Variants in ANKS1B observed in about 807,000 individuals in gnomAD.
ANKS1B encodes the protein ankyrin repeat and sterile alpha motif domain-containing protein 1B.
A neutral mutation model predicts 148.3 loss-of-function variants in ANKS1B; 36 were observed. That is an observed-to-expected ratio of 0.24 (90% confidence interval 0.19 to 0.32). ANKS1B has a LOEUF of 0.32. Among genes scored for constraint, ANKS1B ranks in the 10% least tolerant of loss-of-function variants. The pLI is 1.00. For synonymous variants in ANKS1B, 542 were observed against 560.8 expected, an observed-to-expected ratio of 0.97 and a Z score of 0.47; for missense variants, 1,157 against 1,542.6, an observed-to-expected ratio of 0.75 and a Z score of 4.19.
At chr12:99,897,759 G>T (rs2093433749) in intron 1 of ANKS1B, among the ~76,000 whole-genome samples, 1 of 150,258 alleles carries the variant, frequency 6.7e-6, no homozygotes, top group Admixed American at 6.7e-5. Context: ...TCAAGATGAA[G>T]GTCTGAGCTA....
At chr12:99,098,619 CTTTTTTTTTTTTTT>C (rs71081896) in intron 15 of ANKS1B, among the ~76,000 whole-genome samples, 382 of 32,040 alleles carry the variant, frequency 0.012, 4 homozygotes, top group African/African-American at 0.037. Flanking sequence ...CTAGGAACTA[CTTTTTTTTTTTTTT>C]TTTTTTTTTT....
intron 11 of ANKS1B, among the ~76,000 whole-genome samples, chr12:99,421,927 C>T (rs577233016): frequency 1.5e-3 from 233 of 152,124 alleles, no homozygotes; most frequent in African/African-American, 5.0e-3. Flanking sequence ...CCCACCAACC[C>T]CACTCTCTCT....
chr12:99,511,233 G>A (rs1429540207), intron 9 of ANKS1B, among the ~76,000 whole-genome samples: 1 of 151,836 alleles, frequency 6.6e-6, no homozygotes, highest in Non-Finnish European at 1.5e-5. Context: ...TACCATGAAG[G>A]GATGTTGAAT....
intron 17 of ANKS1B, among the ~76,000 whole-genome samples, chr12:98,853,507 G>A (rs1052124962): frequency 1.3e-5 from 2 of 152,102 alleles, no homozygotes; most frequent in African/African-American, 2.4e-5. Flanking sequence ...CAGCAGGAAG[G>A]GGCTCACTGT....
At chr12:99,562,123 T>G (rs1184609601) in intron 9 of ANKS1B, among the ~76,000 whole-genome samples, 1 of 152,226 alleles carries the variant, frequency 6.6e-6, no homozygotes, top group Non-Finnish European at 1.5e-5. Flanking sequence ...TGAGTAGTAA[T>G]ACCTTGAAAT....
At chr12:98,989,360 G>A (rs1384817020) in intron 17 of ANKS1B, among the ~76,000 whole-genome samples, 1 of 152,166 alleles carries the variant, frequency 6.6e-6, no homozygotes, top group African/African-American at 2.4e-5. Flanking sequence ...ATTTATTGAA[G>A]AGACTGTCCT....
intron 9 of ANKS1B, among the ~76,000 whole-genome samples, chr12:99,568,855 A>G (rs2097423658): frequency 6.6e-6 from 1 of 152,230 alleles, no homozygotes. Flanking sequence ...TCTCCCAGGG[A>G]GAAATTCTGG....
At chr12:99,869,786 A>C (rs2091258330) in intron 1 of ANKS1B, among the ~76,000 whole-genome samples, 1 of 152,148 alleles carries the variant, frequency 6.6e-6, no homozygotes, top group African/African-American at 2.4e-5. Flanking sequence ...GAAAACTGCT[A>C]TATGCCTCAC....
At chr12:99,158,779 A>G (rs1439097379) in intron 14 of ANKS1B, among the ~76,000 whole-genome samples, 1 of 152,132 alleles carries the variant, frequency 6.6e-6, no homozygotes, top group Non-Finnish European at 1.5e-5. Context: ...CCTGCAACTC[A>G]TCTCCATAGA....
At chr12:98,820,774 G>C (rs994148395) in intron 19 of ANKS1B, among the ~76,000 whole-genome samples, 1 of 152,052 alleles carries the variant, frequency 6.6e-6, no homozygotes, top group African/African-American at 2.4e-5. Context: ...AACATGAATA[G>C]GAGCTTCTTG....
At chr12:98,775,770 T>C (rs1321817551) in intron 24 of ANKS1B, among the ~76,000 whole-genome samples, 2 of 152,062 alleles carry the variant, frequency 1.3e-5, no homozygotes. Flanking sequence ...CTGTTCTCTA[T>C]TCCCCAGGAG....
intron 1 of ANKS1B, among the ~76,000 whole-genome samples, chr12:99,970,882 C>A (rs1219875317): frequency 3.9e-5 from 6 of 152,152 alleles, no homozygotes; most frequent in African/African-American, 1.4e-4. Flanking sequence ...ATTTCCATTG[C>A]TCCATATATC....
intron 8 of ANKS1B, among the ~76,000 whole-genome samples, chr12:99,700,930 A>C (rs1600062386): frequency 6.6e-6 from 1 of 152,182 alleles, no homozygotes; most frequent in Non-Finnish European, 1.5e-5. Context: ...CCACCTGCTG[A>C]ACTGGTGCTT....
intron 10 of ANKS1B, among the ~76,000 whole-genome samples, chr12:99,480,163 T>C (rs1004568854): frequency 4.0e-5 from 6 of 151,848 alleles, no homozygotes; most frequent in African/African-American, 1.4e-4. Context: ...TATTGATTCA[T>C]ATTAATGTGT....
At chr12:98,798,187 A>G (rs2098967639) in intron 22 of ANKS1B, among the ~76,000 whole-genome samples, 1 of 150,286 alleles carries the variant, frequency 6.7e-6, no homozygotes, top group Non-Finnish European at 1.5e-5. Context: ...CAATGGTGAG[A>G]TCTCAGCTCA....
At position 99,655,060 on chromosome 12, in the gene ANKS1B, C is replaced by T; in HGVS notation, c.1272+7G>A. 6.4e-7 allele frequency: 1 copy of T among 1,561,176 alleles called. No homozygotes were observed. The highest frequency in any genetic ancestry group is 2.3e-5 in the East Asian group (1 of 44,120). ...TTTATTGTACCTTAATAAAAGCAAA[C>T]TTTTACCTGGGCAAGCATGGGGAAG... is the stretch of plus-strand genomic sequence containing the variant. On this transcript the variant is annotated splice_region_variant and intron_variant, in intron 9 of 26. Transcript: ENST00000683438.
chr12:98,929,898 C>T (rs2099812280), intron 17 of ANKS1B, among the ~76,000 whole-genome samples: 2 of 151,974 alleles, frequency 1.3e-5, no homozygotes. Context: ...TTAGCAATGA[C>T]ACTGAAAGCA....
At chr12:99,433,399 AAAGCAGAAC>A (rs1191765445) in intron 11 of ANKS1B, among the ~76,000 whole-genome samples, 1 of 152,206 alleles carries the variant, frequency 6.6e-6, no homozygotes, top group Non-Finnish European at 1.5e-5. Flanking sequence ...TGTACAAATA[AAAGCAGAAC>A]AAGGCAAAAT....
At chr12:99,789,813 A>G (rs1235871267) in intron 4 of ANKS1B, among the ~76,000 whole-genome samples, 2 of 152,178 alleles carry the variant, frequency 1.3e-5, no homozygotes, top group Non-Finnish European at 2.9e-5. Context: ...ACACACTGAG[A>G]AGACAAAATA....
Sources: gnomAD v4.1 joint callset for allele counts (sites outside exome capture counted in the v4.1 genomes callset) on GRCh38, gnomAD v4.1.1 for gene constraint, MANE v1.5 for transcripts, NCBI Gene and HGNC (gene_info 2026-07-23, HGNC 2026-07-21) for gene names.